UEVLD: variants seen among roughly 807,000 people sequenced by gnomAD.
UEVLD encodes the protein ubiquitin-conjugating enzyme E2 variant 3.
A neutral mutation model predicts 58.6 loss-of-function variants in UEVLD; 47 were observed. The ratio of observed to expected loss-of-function variants is 0.80; its 90% CI spans 0.63 to 1.02. UEVLD has a LOEUF of 1.02. Among genes scored for constraint, UEVLD ranks in the 50% least tolerant of loss-of-function variants. The pLI is 0.00. For synonymous variants in UEVLD, 197 were observed against 195.3 expected (o/e 1.01, Z -0.07); for missense variants, 510 against 550.6 (o/e 0.93, Z 0.74).
At chr11:18,575,978 A>C (rs1852886640) in intron 2 of UEVLD, among the ~76,000 whole-genome samples, 1 of 152,116 alleles carries the variant, frequency 6.6e-6, no homozygotes, top group African/African-American at 2.4e-5. Context: ...CTTAAGATTA[A>C]GGTGTTTTAA....
At chr11:18,555,962 T>A (rs573459740) in intron 7 of UEVLD, among the ~76,000 whole-genome samples, 1 of 151,762 alleles carries the variant, frequency 6.6e-6, no homozygotes, top group East Asian at 1.9e-4. Context: ...AAAAAAAAAA[T>A]GTACAACCAC....
intron 7 of UEVLD, among the ~76,000 whole-genome samples, chr11:18,553,961 G>A (rs1851641131): frequency 6.6e-6 from 1 of 152,072 alleles, no homozygotes; most frequent in African/African-American, 2.4e-5. Flanking sequence ...GTCACCAATG[G>A]TAAATTTTAT....
intron 9 of UEVLD, among the ~76,000 whole-genome samples, chr11:18,540,044 G>C (rs1302627295): frequency 6.6e-6 from 1 of 152,116 alleles, no homozygotes; most frequent in Non-Finnish European, 1.5e-5. Flanking sequence ...GCCAATCACT[G>C]TAATAATAGC....
At chr11:18,548,002 G>C (rs1428270337) in intron 7 of UEVLD, among the ~76,000 whole-genome samples, 1 of 152,004 alleles carries the variant, frequency 6.6e-6, no homozygotes, top group Non-Finnish European at 1.5e-5. Flanking sequence ...TACTCCTCCT[G>C]CTTCTGCCTC....
intron 5 of UEVLD, among the ~76,000 whole-genome samples, chr11:18,565,557 G>A (rs778553234): frequency 3.3e-5 from 5 of 152,186 alleles, no homozygotes; most frequent in African/African-American, 4.8e-5. Flanking sequence ...GGCCAGGCCC[G>A]GTGGCTCATG....
At chr11:18,549,178 T>A (rs1376070746) in intron 7 of UEVLD, among the ~76,000 whole-genome samples, 1 of 152,242 alleles carries the variant, frequency 6.6e-6, no homozygotes, top group East Asian at 1.9e-4. Flanking sequence ...TTCAAAGTGC[T>A]ATTAAACACT....
At chr11:18,562,173 C>A (rs1852067139) in intron 6 of UEVLD, among the ~76,000 whole-genome samples, 1 of 152,144 alleles carries the variant, frequency 6.6e-6, no homozygotes, top group Admixed American at 6.5e-5. Context: ...CAGCCTCAAC[C>A]TCCCAGGCTC....
chr11:18,559,787 C>T (rs754432071), intron 6 of UEVLD, among the ~76,000 whole-genome samples: 7 of 152,140 alleles, frequency 4.6e-5, no homozygotes, highest in Admixed American at 3.3e-4. Flanking sequence ...GTAAATAGGG[C>T]GGCACAGTGG....
chr11:18,564,838 G>A (rs200770233), intron 6 of UEVLD, 54 bp downstream of exon 6: 5 of 1,343,334 alleles, frequency 3.7e-6, no homozygotes, highest in Non-Finnish European at 5.3e-6. Flanking sequence ...AACACAACCT[G>A]CCTAGAAGTG....
rs576217452 is a variant in UEVLD at position 18,542,603 on chromosome 11, C to G, written c.1060+2020G>C. Among the ~76,000 whole-genome samples the G allele has an allele frequency of 3.3e-5, 5 of 152,112 alleles. No homozygotes were observed. The South Asian group carries it at 1.0e-3, about 32-fold the overall frequency. On this transcript the variant is annotated intron_variant, in intron 9 of 11. Coordinates refer to ENST00000396197, the MANE Select transcript of UEVLD (RefSeq NM_001040697.4). ...AATACTGTTATATTTTATTAAAATG[C>G]TTTTCTTAAAAATTATATAAATACT...
intron 3 of UEVLD, among the ~76,000 whole-genome samples, chr11:18,572,253 A>T (rs922357102): frequency 2.6e-5 from 4 of 152,154 alleles, no homozygotes; most frequent in African/African-American, 9.7e-5. Context: ...AAGTAAAAGA[A>T]AAAAAGATTA....
chr11:18,558,953 C>A (rs1344985205), intron 6 of UEVLD, among the ~76,000 whole-genome samples: 1 of 151,732 alleles, frequency 6.6e-6, no homozygotes, highest in Admixed American at 6.6e-5. Context: ...CGGCTCACTG[C>A]AACCTCTGCC....
At chr11:18,536,930 C>G (rs1314171436) in intron 9 of UEVLD, among the ~76,000 whole-genome samples, 1 of 135,670 alleles carries the variant, frequency 7.4e-6, no homozygotes, top group Non-Finnish European at 1.5e-5. Flanking sequence ...GAGTCTTGCT[C>G]TGTCGCCCAG....
At chr11:18,575,236 G>T in intron 3 of UEVLD, 111 bp downstream of exon 3, 1 of 1,167,680 alleles carries the variant, frequency 8.6e-7, no homozygotes, top group Non-Finnish European at 1.2e-6. Context: ...TTCTGTATAG[G>T]TCATATATCT....
chr11:18,578,178 G>A (rs1424532644), intron 2 of UEVLD, among the ~76,000 whole-genome samples: 1 of 152,100 alleles, frequency 6.6e-6, no homozygotes, highest in Non-Finnish European at 1.5e-5. Context: ...ACTGGGGTGG[G>A]TCTAATCTAA....
chr11:18,560,084 C>T (rs946891122), intron 6 of UEVLD, among the ~76,000 whole-genome samples: 4 of 146,488 alleles, frequency 2.7e-5, no homozygotes, highest in Non-Finnish European at 4.5e-5. Context: ...GGCAAAACCC[C>T]GTCTCTACAC....
chr11:18,532,447 G>C lies in UEVLD; in HGVS notation c.1289C>G (p.Pro430Arg). 6.2e-7 allele frequency: 1 copy of C among 1,612,102 alleles called. No individual in the cohort carries two copies. ...TACTCCATTGGTTCCAAGGATGCAA[G>C]GCAAACTTAAAAACACTTCACTATT... Reference protein sequence around the residue: ...DINSEVFLSLPCILGTNGVSE... With the variant: ...DINSEVFLSLRCILGTNGVSE... The change falls in exon 12 of 12, where the codon CCT becomes CGT. Residue 430 changes from proline (P) to arginine (R), a missense_variant. Transcript: ENST00000396197.
At chr11:18,570,475 G>T in intron 3 of UEVLD, 98 bp from the exon 4 acceptor site, 1 of 1,177,296 alleles carries the variant, frequency 8.5e-7, no homozygotes, top group Non-Finnish European at 1.1e-6. Context: ...GGCTGGGGTG[G>T]TGGCTGAAGC....
At chr11:18,537,806 G>A (rs1302664303) in intron 9 of UEVLD, among the ~76,000 whole-genome samples, 1 of 151,904 alleles carries the variant, frequency 6.6e-6, no homozygotes, top group Admixed American at 6.6e-5. Flanking sequence ...GGGATTACAG[G>A]TGCCTGCCAC....
Sources: allele counts gnomAD v4.1 joint callset (sites outside exome capture counted in the v4.1 genomes callset), GRCh38; gene constraint gnomAD v4.1.1; transcripts MANE v1.5; gene names NCBI Gene and HGNC (gene_info 2026-07-23, HGNC 2026-07-21).